EXO1: variants seen among roughly 807,000 people sequenced by gnomAD.
EXO1 encodes the protein exonuclease 1.
EXO1 carries 69 observed loss-of-function variants against 84.5 expected under a neutral mutation model. The ratio of observed to expected loss-of-function variants is 0.82; its 90% CI spans 0.67 to 1.00. The LOEUF (loss-of-function observed/expected upper bound fraction) is 1.00. EXO1 is among the 50% of genes least tolerant of loss of function. EXO1 has a pLI of 0.00. For missense variants in EXO1, 1,045 were observed against 1,000.7 expected (o/e 1.04, Z -0.60); for synonymous variants, 373 against 366.1 (o/e 1.02, Z -0.21).
rs532659576 is a variant in EXO1, at chr1:241,848,336, A to C, written c.-437A>C. On this transcript the variant is annotated 5_prime_UTR_variant, in exon 1 of 16. Transcript: ENST00000366548. This position sits in a 1 kb window ranked among gnomAD's most constrained non-coding sequence, Gnocchi z 4.2. ...ATCGGCTCCGCTCAAGGGGAGGAGG[A>C]GAGTCCCTTCTCGGAAGGTGAGAGG... The C allele has an allele frequency of 2.6e-5, 4 of 152,414 alleles. No individual in the cohort carries two copies. The South Asian group carries it at 8.3e-4, about 32-fold the overall frequency. 9.4% of individuals were successfully genotyped at this position (152,414 alleles called of 1,614,324 possible). A position where few individuals can be genotyped will look rare whatever the true frequency, so the allele number is the denominator to read the frequency against.
rs10641736 is a variant in EXO1 at position 241,850,836 on chromosome 1, C to CTTTTTTTT, written c.161+266_161+273dup. 9.7e-4 allele frequency among the ~76,000 whole-genome samples: 102 copies of CTTTTTTTT among 105,026 alleles called. 1 individual carries two copies. The highest frequency in any genetic ancestry group is 1.8e-3 in the South Asian group (5 of 2,832). 68.9% of individuals were successfully genotyped at this position (105,026 alleles called of 152,430 possible). A position where few individuals can be genotyped will look rare whatever the true frequency, so the allele number is the denominator to read the frequency against. On this transcript the variant is annotated intron_variant, in intron 4 of 15. Transcript: ENST00000366548. ...AAAGACTATTAATATCTCCTTTATT[C>CTTTTTTTT]TTTTTTTTTTTTTTTTTTTTTTTAG...
intron 6 of EXO1, among the ~76,000 whole-genome samples, chr1:241,857,068 G>A (rs889428426): frequency 6.6e-6 from 1 of 152,128 alleles, no homozygotes; most frequent in African/African-American, 2.4e-5. Flanking sequence ...GATTACTTTT[G>A]TAACTTGTAG....
chr1:241,881,622 T>G (rs1776151), intron 13 of EXO1, among the ~76,000 whole-genome samples: 144,160 of 152,296 alleles, frequency 0.95, 68,394 homozygotes, highest in Non-Finnish European at 0.98. Context: ...CGTTTTTACA[T>G]TAGGAGACTC....
intron 11 of EXO1, among the ~76,000 whole-genome samples, chr1:241,868,959 T>C (rs1054048174): frequency 2.0e-5 from 3 of 152,264 alleles, no homozygotes; most frequent in African/African-American, 7.2e-5. Flanking sequence ...CTTGCTCACG[T>C]CACGTATTAG....
intron 11 of EXO1, among the ~76,000 whole-genome samples, chr1:241,868,600 G>A (rs1349189526): frequency 6.6e-6 from 1 of 152,134 alleles, no homozygotes; most frequent in East Asian, 1.9e-4. Flanking sequence ...CCTCAGAGTT[G>A]GAGGCTGCAG....
At position 241,857,237 on chromosome 1, in the gene EXO1, T is replaced by TATTA. The variant is rs566226989; in HGVS notation, c.406-107_406-104dup. On this transcript the variant is annotated intron_variant, in intron 6 of 15. Transcript: ENST00000366548. ...CAAAGGAAATGATTTCTCAAAGTAA[T>TATTA]ATTAGCATGTGCCTGCTGAGGCTAG... 4.2e-3 allele frequency: 4,262 copies of TATTA among 1,019,474 alleles called. 18 individuals carry two copies. Among genetic ancestry groups the TATTA allele is most frequent in the Non-Finnish European group, 4.7e-3 (3,039 of 653,300 alleles). 63.2% of individuals were successfully genotyped at this position (1,019,474 alleles called of 1,614,324 possible).
intron 6 of EXO1, among the ~76,000 whole-genome samples, chr1:241,856,050 C>T (rs572117532): frequency 2.5e-4 from 38 of 152,014 alleles, no homozygotes; most frequent in African/African-American, 9.1e-4. Context: ...GGCTGAAGGG[C>T]TCAAGTGCCG....
At chr1:241,862,171 C>T (rs1043616657) in intron 10 of EXO1, among the ~76,000 whole-genome samples, 13 of 152,178 alleles carry the variant, frequency 8.5e-5, no homozygotes, top group South Asian at 4.1e-4. Flanking sequence ...CTCCCAACCT[C>T]GGGTGATCTG....
In EXO1 at chr1:241,866,869, T is replaced by C; in HGVS notation, c.1081T>C (p.Cys361Arg). Residue 361 changes from cysteine to arginine, a missense_variant, in exon 11 of 16, where the codon TGT becomes CGT. By Grantham distance (180) the Cys-to-Arg change is radical (BLOSUM62 -3). Coordinates refer to ENST00000366548, the MANE Select transcript of EXO1 (RefSeq NM_130398.4). ...SRSHSWDDKT[C>R]QKSANVSSIW... is the part of the protein sequence containing the mutation. The stretch of plus-strand genomic sequence containing the variant: ...AAGTCATAGTTGGGATGACAAAACA[T>C]GTCAAAAGTCAGCTAATGTTAGCAG... 6.2e-7 allele frequency: 1 copy of C among 1,614,122 alleles called. No individual in the cohort carries two copies. Among genetic ancestry groups the C allele is most frequent in the Non-Finnish European group, 8.5e-7 (1 of 1,179,968 alleles).
chr1:241,861,114 A>G (rs1323467228), intron 9 of EXO1, among the ~76,000 whole-genome samples: 3 of 152,226 alleles, frequency 2.0e-5, no homozygotes. Context: ...AGGCTGATGC[A>G]GAGCCCTGAG....
At chr1:241,875,601 G>A (rs922366045) in intron 12 of EXO1, among the ~76,000 whole-genome samples, 5 of 152,178 alleles carry the variant, frequency 3.3e-5, no homozygotes, top group Non-Finnish European at 2.9e-5. Flanking sequence ...TGATTGGGCC[G>A]GCCGTGGTGG....
In EXO1 at chr1:241,854,231, G is replaced by C. The variant is rs552554347; in HGVS notation, c.405+750G>C. 2.0e-5 allele frequency among the ~76,000 whole-genome samples: 3 copies of C among 152,106 alleles called. No homozygotes were observed. The South Asian group carries it at 6.2e-4, about 32-fold the overall frequency. ...GGGCTCACTGCAACCTCTGCCTCCC[G>C]GGTTAAAGCGATTCTCCTGCCTCAG... is the stretch of plus-strand genomic sequence containing the variant. On this transcript the variant is annotated intron_variant, in intron 6 of 15. Transcript: ENST00000366548.
intron 12 of EXO1, among the ~76,000 whole-genome samples, chr1:241,877,261 A>G (rs1662456136): frequency 6.6e-6 from 1 of 152,176 alleles, no homozygotes; most frequent in African/African-American, 2.4e-5. Context: ...ATGAACTGGG[A>G]AGGGTTCTGA....
chr1:241,863,408 TAAA>T (rs201846231), intron 10 of EXO1, among the ~76,000 whole-genome samples: 3 of 94,514 alleles, frequency 3.2e-5, no homozygotes, highest in Non-Finnish European at 4.3e-5. Flanking sequence ...GATTCCAGGC[TAAA>T]AAAAAAAAAA....
In EXO1 at chr1:241,857,897, C is replaced by T. The variant is rs142316618; in HGVS notation, c.543+415C>T. Among the ~76,000 whole-genome samples, 184 of 152,126 alleles carry T rather than the reference C, an allele frequency of 1.2e-3. 1 individual carries two copies. Among genetic ancestry groups the T allele is most frequent in the African/African-American group, 4.3e-3 (179 of 41,502 alleles). On this transcript the variant is annotated intron_variant, in intron 7 of 15. Transcript: ENST00000366548. ...ACTAACTTATGTACTAAAGGGTTGC[C>T]ATGCAGTTATTTAGAATTATGTATA... is the stretch of plus-strand genomic sequence containing the variant.
At chr1:241,881,703 T>TATTTTATATA (rs1662766548) in intron 13 of EXO1, among the ~76,000 whole-genome samples, 1 of 152,192 alleles carries the variant, frequency 6.6e-6, no homozygotes, top group African/African-American at 2.4e-5. Context: ...TTTAAATAGA[T>TATTTTATATA]ATTTTATATA....
chr1:241,883,896 G>T (rs1662904839), intron 14 of EXO1, among the ~76,000 whole-genome samples: 1 of 152,124 alleles, frequency 6.6e-6, no homozygotes, highest in Non-Finnish European at 1.5e-5. Flanking sequence ...GTTATGTCTA[G>T]ATAGTAAACC....
chr1:241,886,882 A>G (rs1230734463), intron 15 of EXO1, among the ~76,000 whole-genome samples: 2 of 152,110 alleles, frequency 1.3e-5, no homozygotes, highest in African/African-American at 4.8e-5. Flanking sequence ...TAGTTTGCAA[A>G]TCTTTACTGT....
rs1259116969 is a variant in EXO1 at position 241,885,307 on chromosome 1, T to A, written c.2212-7T>A. ...GAATGGTCTTAAAATGGGTGTTTAA[T>A]CTTCAGGTTCCTGGGCTATATAAGT... On this transcript the variant is annotated splice_polypyrimidine_tract_variant and splice_region_variant and intron_variant, in intron 14 of 15. Coordinates refer to ENST00000366548, the MANE Select transcript of EXO1 (RefSeq NM_130398.4). The A allele has an allele frequency of 6.2e-7, 1 of 1,611,184 alleles. No homozygotes were observed. The highest frequency in any genetic ancestry group is 8.5e-7 in the Non-Finnish European group (1 of 1,177,780).
Sources: gnomAD v4.1 joint callset for allele counts (sites outside exome capture counted in the v4.1 genomes callset) on GRCh38, gnomAD v4.1.1 for gene constraint, Gnocchi (gnomAD v3.1) non-coding constraint, MANE v1.5 for transcripts, NCBI Gene and HGNC (gene_info 2026-07-23, HGNC 2026-07-21) for gene names.